The following SLC44A5 variants were observed in gnomAD, a reference collection of about 807,000 sequenced individuals.
The protein encoded by SLC44A5 is solute carrier family 44 member 5.
SLC44A5 carries 57 observed loss-of-function variants against 101.8 expected under a neutral mutation model. That is an observed-to-expected ratio of 0.56 (90% CI 0.45 to 0.70). The LOEUF (loss-of-function observed/expected upper bound fraction) is 0.70. Among genes scored for constraint, SLC44A5 ranks in the 30% least tolerant of loss-of-function variants. The probability of loss-of-function intolerance (pLI) is 0.00; values close to 1 mark genes in which losing one functional copy is unlikely to be tolerated. For missense variants in SLC44A5, 737 were observed against 853.1 expected, an observed-to-expected ratio of 0.86 and a Z score of 1.70; for synonymous variants, 281 against 290.9, an observed-to-expected ratio of 0.97 and a Z score of 0.35.
At chr1:75,718,141 G>A in the SLC44A5 span, among the ~76,000 whole-genome samples, 1 of 152,322 alleles carries the variant, frequency 6.6e-6, no homozygotes, top group South Asian at 2.1e-4. Flanking sequence ...AATGTTTCAT[G>A]AAAACGGACA....
At chr1:75,652,654 C>G in the SLC44A5 span, among the ~76,000 whole-genome samples, 1 of 152,074 alleles carries the variant, frequency 6.6e-6, no homozygotes, top group Non-Finnish European at 1.5e-5. Flanking sequence ...ATTAGCTAAG[C>G]ATGTTGGTAT....
intron 1 of SLC44A5, among the ~76,000 whole-genome samples, chr1:75,574,522 A>G (rs1469038836): frequency 1.3e-5 from 2 of 152,250 alleles, no homozygotes; most frequent in African/African-American, 4.8e-5. Context: ...GATAAAGCAA[A>G]CTGCCTAATG....
rs551906934 is a variant in SLC44A5 at position 75,482,350 on chromosome 1, G to A, written c.13+59085C>T. On this transcript the variant is annotated intron_variant, in intron 2 of 23. Transcript: ENST00000370859. ...ACGAGTTAATGGGTGTAGCACACCA[G>A]CATGGCACATGTGTACATATGCAAC... Among the ~76,000 whole-genome samples the A allele has an allele frequency of 6.6e-5, 10 of 152,050 alleles. No homozygotes were observed. In the East Asian group the frequency reaches 1.5e-3, roughly 24 times the overall value.
intron 2 of SLC44A5, among the ~76,000 whole-genome samples, chr1:75,529,681 T>G (rs369834549): frequency 6.6e-6 from 1 of 152,332 alleles, no homozygotes; most frequent in South Asian, 2.1e-4. Context: ...TTGGAATGAC[T>G]AAGCAGCTTA....
intron 1 of SLC44A5, among the ~76,000 whole-genome samples, chr1:75,608,290 TG>T (rs1675444080): frequency 6.6e-6 from 1 of 151,960 alleles, no homozygotes; most frequent in African/African-American, 2.4e-5. Context: ...TCAACCTACG[TG>T]TCTATCCACA....
intron 6 of SLC44A5, among the ~76,000 whole-genome samples, chr1:75,274,513 T>C (rs544480295): frequency 5.3e-5 from 8 of 152,294 alleles, no homozygotes; most frequent in African/African-American, 1.9e-4. Context: ...ATACCAAACA[T>C]TGAAGACCTT....
intron 3 of SLC44A5, among the ~76,000 whole-genome samples, chr1:75,362,636 G>A (rs528656006): frequency 1.5e-3 from 233 of 151,888 alleles, no homozygotes; most frequent in Non-Finnish European, 2.6e-3. Context: ...ATGATTTCTA[G>A]TTTTGTACCA....
At chr1:75,326,659 G>A (rs1397799834) in intron 4 of SLC44A5, among the ~76,000 whole-genome samples, 2 of 152,148 alleles carry the variant, frequency 1.3e-5, no homozygotes, top group Admixed American at 1.3e-4. Flanking sequence ...TACAAGCATT[G>A]TATTATGTAC....
At chr1:75,466,563 G>A (rs2101713838) in intron 2 of SLC44A5, among the ~76,000 whole-genome samples, 1 of 151,282 alleles carries the variant, frequency 6.6e-6, no homozygotes, top group South Asian at 2.1e-4. Flanking sequence ...GGCCAAAGCA[G>A]GAGAATTGCT....
chr1:75,509,080 T>C (rs932452481), intron 2 of SLC44A5, among the ~76,000 whole-genome samples: 27 of 152,226 alleles, frequency 1.8e-4, no homozygotes, highest in Non-Finnish European at 4.4e-5. Context: ...CAGACTGGCA[T>C]GGGCCTTCAG....
chr1:75,583,668 G>T (rs949142152), intron 1 of SLC44A5, among the ~76,000 whole-genome samples: 2 of 152,112 alleles, frequency 1.3e-5, no homozygotes, highest in African/African-American at 2.4e-5. Flanking sequence ...TTTCTCTCAA[G>T]AAAAAACTCA....
chr1:75,636,947 G>A, the SLC44A5 span, among the ~76,000 whole-genome samples: 1 of 151,968 alleles, frequency 6.6e-6, no homozygotes, highest in Non-Finnish European at 1.5e-5. Context: ...GAGAAAATGG[G>A]CACAATTAGT....
chr1:75,704,815 C>A, the SLC44A5 span, among the ~76,000 whole-genome samples: 1 of 152,116 alleles, frequency 6.6e-6, no homozygotes, highest in South Asian at 2.1e-4. Flanking sequence ...ATTTCTATTT[C>A]TTCTTACATT....
chr1:75,338,158 A>G (rs1657590707), intron 4 of SLC44A5, among the ~76,000 whole-genome samples: 1 of 152,204 alleles, frequency 6.6e-6, no homozygotes, highest in African/African-American at 2.4e-5. Context: ...CCACAGAATG[A>G]CCAGCTCACC....
intron 2 of SLC44A5, among the ~76,000 whole-genome samples, chr1:75,516,282 A>G (rs1669825016): frequency 6.6e-6 from 1 of 152,162 alleles, no homozygotes; most frequent in South Asian, 2.1e-4. Context: ...TGGGAGGCCC[A>G]GGCGGGTGGA....
chr1:75,542,999 A>G (rs977181748), intron 1 of SLC44A5, among the ~76,000 whole-genome samples: 3 of 152,152 alleles, frequency 2.0e-5, no homozygotes, highest in African/African-American at 7.2e-5. Context: ...CTTCCTTAAA[A>G]GAGTCTATAT....
chr1:75,387,012 G>C (rs1022788724), intron 3 of SLC44A5, among the ~76,000 whole-genome samples: 3 of 151,848 alleles, frequency 2.0e-5, no homozygotes, highest in African/African-American at 4.8e-5. Context: ...GCCATATGTA[G>C]AAAGCTGAAA....
In SLC44A5 at chr1:75,230,253, C is replaced by CT. The variant is rs5775278; in HGVS notation, c.854-2397dup. Among the ~76,000 whole-genome samples, 1,383 of 146,894 alleles carry CT rather than the reference C, an allele frequency of 9.4e-3. 28 individuals carry two copies. The highest frequency in any genetic ancestry group is 0.032 in the African/African-American group (1,288 of 40,228). On this transcript the variant is annotated intron_variant, in intron 12 of 23. Transcript: ENST00000370859. The stretch of plus-strand genomic sequence containing the variant: ...CCATGTCCATGAATGAATGAATTCA[C>CT]TTTTTTTTTTTTGAGACAGAGTCTC...
chr1:75,407,244 T>C (rs1191685842), intron 2 of SLC44A5, among the ~76,000 whole-genome samples: 1 of 152,120 alleles, frequency 6.6e-6, no homozygotes, highest in African/African-American at 2.4e-5. Flanking sequence ...TCCATGCTCA[T>C]GGATAGGAAG....
Sources: allele counts gnomAD v4.1 joint callset (sites outside exome capture counted in the v4.1 genomes callset), GRCh38; gene constraint gnomAD v4.1.1; transcripts MANE v1.5; gene names NCBI Gene and HGNC (gene_info 2026-07-23, HGNC 2026-07-21).